Variants in MRPL48 observed in about 807,000 individuals in gnomAD.
The protein encoded by MRPL48 is mitochondrial ribosomal protein L48, also known as large ribosomal subunit protein mL48.
A neutral mutation model predicts 32.9 loss-of-function variants in MRPL48; 16 were observed. That is an observed-to-expected ratio of 0.49 (90% confidence interval 0.33 to 0.74). MRPL48 has a LOEUF of 0.74. MRPL48 is among the 30% of genes least tolerant of loss of function. The probability of loss-of-function intolerance (pLI) is 0.02; values close to 1 mark genes in which losing one functional copy is unlikely to be tolerated. For missense variants in MRPL48, 206 were observed against 245.3 expected (o/e 0.84, Z 1.07); for synonymous variants, 94 against 89.2 (o/e 1.05, Z -0.31).
chr11:73,824,043 A>G (rs12284497), intron 3 of MRPL48, among the ~76,000 whole-genome samples: 1 of 151,670 alleles, frequency 6.6e-6, no homozygotes, highest in African/African-American at 2.4e-5. Flanking sequence ...TTTAGTAGAG[A>G]TGGGGTTTCA....
intron 1 of MRPL48, chr11:73,802,152 C>T (rs1309216107): frequency 6.6e-6 from 1 of 152,188 alleles, no homozygotes; most frequent in Non-Finnish European, 1.5e-5. Context: ...TTTCTCTTAG[C>T]CATCTCCCCC....
At chr11:73,851,739 A>T (rs912016537) in intron 5 of MRPL48, among the ~76,000 whole-genome samples, 1 of 152,122 alleles carries the variant, frequency 6.6e-6, no homozygotes, top group Non-Finnish European at 1.5e-5. Context: ...TGAAAGAATG[A>T]CAGGTTCTTA....
chr11:73,805,672 T>A (rs76322350), intron 2 of MRPL48, among the ~76,000 whole-genome samples: 6 of 150,006 alleles, frequency 4.0e-5, no homozygotes, highest in South Asian at 2.1e-4. Context: ...TTTTTTTTTT[T>A]AATTGAGGCA....
chr11:73,814,853 G>A (rs1947633751), intron 3 of MRPL48, among the ~76,000 whole-genome samples: 1 of 150,784 alleles, frequency 6.6e-6, no homozygotes, highest in African/African-American at 2.4e-5. Context: ...AATTAGCCAG[G>A]CGTGGTGGTC....
intron 7 of MRPL48, among the ~76,000 whole-genome samples, chr11:73,863,922 G>A (rs959606932): frequency 6.6e-6 from 1 of 152,132 alleles, no homozygotes; most frequent in South Asian, 2.1e-4. Flanking sequence ...GACAGAGACA[G>A]CATGTGCTGG....
chr11:73,808,394 C>T, intron 3 of MRPL48, 44 bp downstream of exon 3: 1 of 1,549,218 alleles, frequency 6.5e-7, no homozygotes, highest in Non-Finnish European at 8.8e-7. Context: ...TTTAAGTGAC[C>T]CTTTAGCACT....
intron 4 of MRPL48, among the ~76,000 whole-genome samples, chr11:73,833,931 A>G (rs1590976941): frequency 1.3e-5 from 2 of 152,134 alleles, no homozygotes; most frequent in African/African-American, 4.8e-5. Flanking sequence ...ATTATGGCTC[A>G]CTGCAGCCTT....
rs778614903 is a variant in MRPL48, at chr11:73,788,010, C to G, written c.21+18C>G. 3 of 1,539,242 alleles carry G rather than the reference C, an allele frequency of 1.9e-6. No individual in the cohort carries two copies. On this transcript the variant is annotated intron_variant, in intron 1 of 7. Coordinates refer to ENST00000310614, the MANE Select transcript of MRPL48 (RefSeq NM_016055.6). ...TGGAAAAGGTAACGTAGATTCCACGCACGCGGGGCGCGGGGAGATGGCGGA... is the reference window on the plus strand; with the variant it reads ...TGGAAAAGGTAACGTAGATTCCACGGACGCGGGGCGCGGGGAGATGGCGGA...
chr11:73,840,076 C>T (rs1948162058), intron 4 of MRPL48, among the ~76,000 whole-genome samples: 1 of 144,170 alleles, frequency 6.9e-6, no homozygotes, highest in Admixed American at 7.1e-5. Context: ...CCAACCTGGG[C>T]AATATAGTGA....
At chr11:73,817,089 C>T (rs1229021454) in intron 3 of MRPL48, among the ~76,000 whole-genome samples, 1 of 152,016 alleles carries the variant, frequency 6.6e-6, no homozygotes, top group African/African-American at 2.4e-5. Flanking sequence ...GCTTGGGCCT[C>T]CCGAAGTGCT....
chr11:73,836,483 G>A (rs184716888), intron 4 of MRPL48, among the ~76,000 whole-genome samples: 4 of 152,282 alleles, frequency 2.6e-5, no homozygotes, highest in Admixed American at 2.6e-4. Context: ...ACAGGCATGA[G>A]CCACCGTGCC....
chr11:73,830,760 C>G (rs1416211802), intron 4 of MRPL48, among the ~76,000 whole-genome samples: 2 of 151,992 alleles, frequency 1.3e-5, no homozygotes, highest in East Asian at 1.9e-4. Flanking sequence ...GTCCCACACT[C>G]AGTCTTATGA....
intron 4 of MRPL48, among the ~76,000 whole-genome samples, chr11:73,828,347 C>G (rs887580963): frequency 6.6e-6 from 1 of 151,822 alleles, no homozygotes; most frequent in South Asian, 2.1e-4. Flanking sequence ...ATCTCAGCCT[C>G]CTGAGCAGCT....
At chr11:73,851,258 C>A in intron 5 of MRPL48, 1 of 290,880 alleles carries the variant, frequency 3.4e-6, no homozygotes, top group Non-Finnish European at 7.0e-6. Flanking sequence ...TTAGTATATT[C>A]CCATTTAACA....
At chr11:73,808,375 T>C in intron 3 of MRPL48, 25 bp downstream of exon 3, 1 of 1,595,486 alleles carries the variant, frequency 6.3e-7, no homozygotes, top group Non-Finnish European at 8.6e-7. Flanking sequence ...CCTGATGTAG[T>C]TGGCCTGCTT....
At chr11:73,850,998 C>T in intron 5 of MRPL48, 1 of 430,574 alleles carries the variant, frequency 2.3e-6, no homozygotes, top group Non-Finnish European at 4.5e-6. Context: ...TTTTTTATGA[C>T]TCTGTTCCTA....
intron 4 of MRPL48, among the ~76,000 whole-genome samples, chr11:73,827,479 T>G (rs1445327235): frequency 6.6e-6 from 1 of 152,190 alleles, no homozygotes; most frequent in Non-Finnish European, 1.5e-5. Context: ...TTTAGCCCAT[T>G]TCTTTGGCTC....
At chr11:73,831,401 T>G (rs1260449999) in intron 4 of MRPL48, among the ~76,000 whole-genome samples, 3 of 152,212 alleles carry the variant, frequency 2.0e-5, no homozygotes, top group Non-Finnish European at 2.9e-5. Context: ...CCATGCTCTT[T>G]CCTGCCTCTC....
chr11:73,796,897 T>C (rs1947263759), intron 1 of MRPL48, among the ~76,000 whole-genome samples: 1 of 152,188 alleles, frequency 6.6e-6, no homozygotes, highest in Non-Finnish European at 1.5e-5. Flanking sequence ...AGACCCCATC[T>C]GTACTAAAAA....
Sources: allele counts gnomAD v4.1 joint callset (sites outside exome capture counted in the v4.1 genomes callset), GRCh38; gene constraint gnomAD v4.1.1; transcripts MANE v1.5; gene names NCBI Gene and HGNC (gene_info 2026-07-23, HGNC 2026-07-21).